The following CATSPERD variants were observed in gnomAD, a reference collection of about 807,000 sequenced individuals.
CATSPERD encodes the protein cation channel sperm-associated auxiliary subunit delta.
Under a neutral mutation model 98.1 loss-of-function variants are expected in CATSPERD, and 86 were observed. The ratio of observed to expected loss-of-function variants is 0.88; its 90% CI spans 0.74 to 1.05. The LOEUF (loss-of-function observed/expected upper bound fraction) is 1.05, where lower values mean the gene tolerates loss of function less well. Among genes scored for constraint, CATSPERD ranks in the 50% least tolerant of loss-of-function variants. The pLI is 0.00. For missense variants in CATSPERD, 995 were observed against 1,005.7 expected (o/e 0.99, Z 0.14); for synonymous variants, 394 against 390.2 (o/e 1.01, Z -0.12).
chr19:5,777,223 T>A (rs8100696), intron 21 of CATSPERD, among the ~76,000 whole-genome samples: 2,086 of 150,432 alleles, frequency 0.014, 62 homozygotes, highest in African/African-American at 0.047. Flanking sequence ...CACGTGGAGG[T>A]CCTGCCTTCT....
At chr19:5,758,636 G>A (rs544477638) in intron 14 of CATSPERD, among the ~76,000 whole-genome samples, 61 of 151,672 alleles carry the variant, frequency 4.0e-4, no homozygotes, top group African/African-American at 8.2e-4. Flanking sequence ...CCAGCTACTC[G>A]GGAGGCTGAG....
chr19:5,756,613 T>C (rs1009518872), intron 13 of CATSPERD, among the ~76,000 whole-genome samples: 3 of 152,100 alleles, frequency 2.0e-5, no homozygotes, highest in Admixed American at 1.3e-4. Flanking sequence ...TAAAGTAGGC[T>C]GGGCTAACTT....
Position 5,751,799 on chromosome 19 carries a change from T to G in CATSPERD, c.1140T>G (p.Pro380=). ...ATATCCAGGCGCTTCTCATGGACCC[T>G]GAACTCCACGTTGGAAAGTGCAAGG... is the stretch of plus-strand genomic sequence containing the variant. ...LVNIQALLMD[P]ELHVGKCKIE... The change falls in exon 12 of 22, where the codon CCT becomes CCG. Residue 380 remains proline, a synonymous_variant. Coordinates refer to ENST00000381624, the MANE Select transcript of CATSPERD (RefSeq NM_152784.4). The G allele has an allele frequency of 6.2e-7, 1 of 1,612,568 alleles. No homozygotes were observed. The highest frequency in any genetic ancestry group is 8.5e-7 in the Non-Finnish European group (1 of 1,179,358).
chr19:5,723,279 A>T (rs2055535322), intron 1 of CATSPERD, among the ~76,000 whole-genome samples: 1 of 150,956 alleles, frequency 6.6e-6, no homozygotes, highest in African/African-American at 2.4e-5. Flanking sequence ...CTGGGAGAGG[A>T]GTTTCATACA....
rs113272110 is a variant in CATSPERD, at chr19:5,765,641, G to A, written c.1507-462G>A. Among the ~76,000 whole-genome samples the A allele has an allele frequency of 5.2e-3, 790 of 151,730 alleles. 4 individuals carry two copies. The highest frequency in any genetic ancestry group is 0.017 in the African/African-American group (708 of 41,348). On this transcript the variant is annotated intron_variant, in intron 16 of 21. Transcript: ENST00000381624. ...AGCCTGGCCAACATGATGAAACCCC[G>A]TCTCTACTAAAAATACAAAAATTAG...
chr19:5,730,017 A>G, intron 4 of CATSPERD, 73 bp downstream of exon 4: 2 of 896,350 alleles, frequency 2.2e-6, no homozygotes, highest in South Asian at 3.2e-5. Flanking sequence ...GTTCAGAAAT[A>G]TCAGACTGGT....
Position 5,751,750 on chromosome 19 carries a change from T to C in CATSPERD, c.1091T>C (p.Phe364Ser), listed in dbSNP as rs777881841. 2 of 1,613,906 alleles carry C rather than the reference T, an allele frequency of 1.2e-6. No homozygotes were observed. The highest frequency in any genetic ancestry group is 4.5e-5 in the East Asian group (2 of 44,870). ...TPLRDTAFPA[F>S]DFQKCLVNIQ... Reference sequence around the variant, plus strand: ...CTGCGTGACACAGCCTTTCCAGCTTTTGATTTCCAGAAGTGCCTCGTGAAT... The same window carrying C: ...CTGCGTGACACAGCCTTTCCAGCTTCTGATTTCCAGAAGTGCCTCGTGAAT... Residue 364 changes from phenylalanine to serine, a missense_variant, in exon 12 of 22, where the codon TTT (phenylalanine) becomes TCT (serine). Around this residue, in one of 3 missense-constraint regions of CATSPERD, gnomAD observed 762 missense variants for 773.7 expected, o/e 0.98. Transcript: ENST00000381624.
chr19:5,766,078 A>G (rs1487875409), intron 16 of CATSPERD, 25 bp from the exon 17 acceptor site: 2 of 1,605,420 alleles, frequency 1.2e-6, no homozygotes, highest in African/African-American at 1.3e-5. Flanking sequence ...ACCTGGGTCC[A>G]TATTTCTGTC....
chr19:5,769,462 C>A (rs2056606365), intron 18 of CATSPERD, among the ~76,000 whole-genome samples: 1 of 152,142 alleles, frequency 6.6e-6, no homozygotes. Context: ...TCTGACTAGG[C>A]TCCCACTCCA....
chr19:5,763,389 A>C, intron 16 of CATSPERD, 96 bp downstream of exon 16: 1 of 898,360 alleles, frequency 1.1e-6, no homozygotes, highest in Non-Finnish European at 1.8e-6. Flanking sequence ...AGATAGTGCC[A>C]CTGCACTCCA....
In CATSPERD at chr19:5,726,672, G is replaced by A. The variant is rs535170257; in HGVS notation, c.127-596G>A. Among the ~76,000 whole-genome samples the A allele has an allele frequency of 2.0e-5, 3 of 151,638 alleles. No homozygotes were observed. In the Admixed American group the frequency reaches 2.0e-4, roughly 10 times the overall value. On this transcript the variant is annotated intron_variant, in intron 2 of 21. Transcript: ENST00000381624. Reference sequence around the variant, plus strand: ...GTTGGGATTACAGACGTGAGCCACCGCACCTGGCCCACCCTGTGAATTAAA... The same window carrying A: ...GTTGGGATTACAGACGTGAGCCACCACACCTGGCCCACCCTGTGAATTAAA...
chr19:5,772,495 G>A (rs1482277211), intron 19 of CATSPERD: 1 of 329,170 alleles, frequency 3.0e-6, no homozygotes, highest in South Asian at 3.4e-5. Context: ...CCAAAGTGCT[G>A]AGATTACGGG....
At chr19:5,769,341 T>C (rs1164425518) in intron 18 of CATSPERD, among the ~76,000 whole-genome samples, 1 of 126,464 alleles carries the variant, frequency 7.9e-6, no homozygotes, top group South Asian at 2.6e-4. Context: ...GGGGAGGAGG[T>C]GCCAGGCTCT....
intron 19 of CATSPERD, chr19:5,772,333 T>C (rs1283882237): frequency 8.5e-6 from 2 of 234,556 alleles, no homozygotes; most frequent in Admixed American, 1.2e-4. Context: ...GTTCACGCCA[T>C]TCTCCTGCCT....
chr19:5,739,196 C>T, intron 6 of CATSPERD, 130 bp from the exon 7 acceptor site: 2 of 625,122 alleles, frequency 3.2e-6, no homozygotes, highest in South Asian at 1.8e-5. Context: ...AGAAACAGCC[C>T]CATCGAACAG....
intron 16 of CATSPERD, among the ~76,000 whole-genome samples, chr19:5,763,804 A>G (rs918036311): frequency 1.4e-5 from 2 of 140,202 alleles, no homozygotes; most frequent in African/African-American, 5.3e-5. Flanking sequence ...TATTTTTAGT[A>G]GAGATGGAGT....
intron 11 of CATSPERD, among the ~76,000 whole-genome samples, chr19:5,749,591 G>A (rs2056164856): frequency 6.6e-6 from 1 of 152,134 alleles, no homozygotes; most frequent in South Asian, 2.1e-4. Context: ...AAGGGGAAGA[G>A]TATTTAAAAT....
intron 14 of CATSPERD, 80 bp downstream of exon 14, chr19:5,758,012 T>C: frequency 7.9e-7 from 1 of 1,268,164 alleles, no homozygotes; most frequent in Non-Finnish European, 1.1e-6. Context: ...AGCATAAAAA[T>C]TTAGGAGTTT....
At chr19:5,765,403 TTTATTC>T (rs1380942239) in intron 16 of CATSPERD, among the ~76,000 whole-genome samples, 28 of 129,772 alleles carry the variant, frequency 2.2e-4, no homozygotes, top group African/African-American at 9.7e-4. Context: ...AGGCCATTGA[TTTATTC>T]ATTCATTCAT....
Sources: allele counts gnomAD v4.1 joint callset (sites outside exome capture counted in the v4.1 genomes callset), GRCh38; gene constraint gnomAD v4.1.1; regional missense constraint gnomAD v4.1.1; transcripts MANE v1.5; gene names NCBI Gene and HGNC (gene_info 2026-07-23, HGNC 2026-07-21).